The following CD247 variants were observed in gnomAD, a reference collection of about 807,000 sequenced individuals.
CD247 encodes the protein T-cell surface glycoprotein CD3 zeta chain.
Under a neutral mutation model 30.0 loss-of-function variants are expected in CD247, and 13 were observed. That is an observed-to-expected ratio of 0.43 (90% CI 0.28 to 0.69). The LOEUF is 0.69. Among genes scored for constraint, CD247 ranks in the 30% least tolerant of loss-of-function variants. The probability of loss-of-function intolerance (pLI) is 0.16; values close to 1 mark genes in which losing one functional copy is unlikely to be tolerated. For synonymous variants in CD247, 72 were observed against 80.0 expected (o/e 0.90, Z 0.53); for missense variants, 193 against 212.6 (o/e 0.91, Z 0.57).
intron 1 of CD247, among the ~76,000 whole-genome samples, chr1:167,441,983 CA>C (rs1392191569): frequency 6.6e-6 from 1 of 152,086 alleles, no homozygotes; most frequent in Non-Finnish European, 1.5e-5. Context: ...TGGTGGCTGG[CA>C]GCTTTGATCA....
At chr1:167,463,962 T>C (rs1653132090) in intron 1 of CD247, among the ~76,000 whole-genome samples, 1 of 152,158 alleles carries the variant, frequency 6.6e-6, no homozygotes, top group Admixed American at 6.5e-5. Context: ...GCCCTGGAAA[T>C]GGCCTTCTCA....
chr1:167,463,131 T>C (rs1653095853), intron 1 of CD247, among the ~76,000 whole-genome samples: 1 of 152,182 alleles, frequency 6.6e-6, no homozygotes, highest in Non-Finnish European at 1.5e-5. Flanking sequence ...TTTTCTGCGT[T>C]GCCACTGAGC....
In CD247 at chr1:167,433,179, G is replaced by A. The variant is rs541146840; in HGVS notation, c.394-120C>T. 44 of 958,452 alleles carry A rather than the reference G, an allele frequency of 4.6e-5. No individual in the cohort carries two copies. In the African/African-American group the frequency reaches 6.8e-4, roughly 15 times the overall value. The allele number at this position is 958,452 out of a possible 1,614,324, so 59.4% of individuals were successfully genotyped here. ...AGTCAGAGGTAACTGTCTCCCAGCAGCACCCCTGCCCCTGGGAGAGAAGGA... is the reference window on the plus strand; with the variant it reads ...AGTCAGAGGTAACTGTCTCCCAGCAACACCCCTGCCCCTGGGAGAGAAGGA... On this transcript the variant is annotated intron_variant, in intron 6 of 7. Transcript: ENST00000362089.
chr1:167,490,682 C>G (rs1654409893), intron 1 of CD247, among the ~76,000 whole-genome samples: 1 of 152,126 alleles, frequency 6.6e-6, no homozygotes, highest in Non-Finnish European at 1.5e-5. Flanking sequence ...CCTGTAATCC[C>G]AGCCCTTTGG....
intron 1 of CD247, among the ~76,000 whole-genome samples, chr1:167,498,206 T>C (rs1194206232): frequency 6.6e-6 from 1 of 152,232 alleles, no homozygotes; most frequent in African/African-American, 2.4e-5. Context: ...TTTCTATCAC[T>C]GCAGCTCACA....
intron 1 of CD247, among the ~76,000 whole-genome samples, chr1:167,512,790 A>G (rs558030477): frequency 8.5e-5 from 13 of 152,336 alleles, no homozygotes; most frequent in African/African-American, 3.1e-4. Flanking sequence ...TCACAGAGGA[A>G]GAACAGGGCT....
intron 1 of CD247, among the ~76,000 whole-genome samples, chr1:167,487,068 C>T (rs1429452536): frequency 7.4e-6 from 1 of 135,724 alleles, no homozygotes; most frequent in Non-Finnish European, 1.6e-5. Flanking sequence ...AGCAAGACTC[C>T]ATTTCAAAAA....
At chr1:167,498,272 C>CTTGG in intron 1 of CD247, among the ~76,000 whole-genome samples, 1 of 152,354 alleles carries the variant, frequency 6.6e-6, no homozygotes, top group Non-Finnish European at 1.5e-5. Flanking sequence ...CCAACAATGC[C>CTTGG]TTGACATCCT....
At position 167,439,374 on chromosome 1, in the gene CD247, C is replaced by G. The variant is rs1651707379; in HGVS notation, c.189G>C (p.Ala63=). ...AGAGCTGGTTCTGGCCCTGCTGGTA[C>G]GCGGGGGCGTCTGCGCTCCTGCTGA... The part of the protein sequence containing the change: ...VKFSRSADAP[A]YQQGQNQLYN... Residue 63 remains alanine (A), a synonymous_variant, in exon 3 of 8, where the codon GCG becomes GCC. Coordinates refer to ENST00000362089, the MANE Select transcript of CD247 (RefSeq NM_198053.3). 1 of 1,614,156 alleles carries G rather than the reference C, an allele frequency of 6.2e-7. No individual in the cohort carries two copies. The highest frequency in any genetic ancestry group is 8.5e-7 in the Non-Finnish European group (1 of 1,179,988).
intron 1 of CD247, among the ~76,000 whole-genome samples, chr1:167,464,654 A>C (rs1653161603): frequency 6.6e-6 from 1 of 152,230 alleles, no homozygotes; most frequent in South Asian, 2.1e-4. Flanking sequence ...AAAAGTAGAA[A>C]GCTGGGGAAA....
chr1:167,515,803 C>T (rs1463164959), intron 1 of CD247, among the ~76,000 whole-genome samples: 1 of 152,230 alleles, frequency 6.6e-6, no homozygotes, highest in African/African-American at 2.4e-5. Context: ...TGAAGAATCC[C>T]AGCCATGGGT....
Position 167,430,869 on chromosome 1 carries a change from G to A in CD247, c.*812C>T. The A allele has an allele frequency of 2.5e-6, 1 of 398,830 alleles. No homozygotes were observed. The highest frequency in any genetic ancestry group is 4.4e-6 in the Non-Finnish European group (1 of 226,206). The allele number at this position is 398,830 out of a possible 1,614,324, so 24.7% of individuals were successfully genotyped here. On this transcript the variant is annotated 3_prime_UTR_variant, in exon 8 of 8. Transcript: ENST00000362089. Reference sequence around the variant, plus strand: ...GGTCTTCCTGCGAGGCCTTCACAAAGATGATTTTGTCATTCGCTGAAAGCG... The same window carrying A: ...GGTCTTCCTGCGAGGCCTTCACAAAAATGATTTTGTCATTCGCTGAAAGCG...
At chr1:167,433,550 G>T (rs34088693) in intron 6 of CD247, among the ~76,000 whole-genome samples, 1 of 152,336 alleles carries the variant, frequency 6.6e-6, no homozygotes, top group Non-Finnish European at 1.5e-5. Flanking sequence ...TTGGGTTGTT[G>T]TGGGAATTAA....
chr1:167,449,156 T>TTTTTTTTTTTTTTTTTTCTTTTTTTC (rs1652238529), intron 1 of CD247, among the ~76,000 whole-genome samples: 7 of 113,582 alleles, frequency 6.2e-5, no homozygotes, highest in East Asian at 2.4e-4. Context: ...TTTCTTTTTT[T>TTTTTTTTTTTTTTTTTTCTTTTTTTC]TTTTTTTTTT....
intron 1 of CD247, among the ~76,000 whole-genome samples, chr1:167,461,646 G>A (rs867683405): frequency 2.0e-5 from 3 of 152,062 alleles, no homozygotes; most frequent in African/African-American, 7.2e-5. Flanking sequence ...TCAGGAGTTC[G>A]AGACCACCCT....
At chr1:167,441,499 C>T (rs760292682) in intron 1 of CD247, among the ~76,000 whole-genome samples, 13 of 152,182 alleles carry the variant, frequency 8.5e-5, no homozygotes, top group South Asian at 2.1e-4. Flanking sequence ...CCACTACACA[C>T]ACCCCATTCC....
At chr1:167,484,421 C>G (rs12144621) in intron 1 of CD247, among the ~76,000 whole-genome samples, 37,379 of 152,114 alleles carry the variant, frequency 0.25, 5,101 homozygotes, top group East Asian at 0.54. Flanking sequence ...GCCCAGAGGC[C>G]AAGGTCAAGT....
intron 1 of CD247, among the ~76,000 whole-genome samples, chr1:167,483,395 G>T (rs1268158112): frequency 6.6e-6 from 1 of 152,060 alleles, no homozygotes; most frequent in Non-Finnish European, 1.5e-5. Flanking sequence ...GTGGTATCTA[G>T]ACCCTAAAAA....
chr1:167,446,596 C>T (rs756312829), intron 1 of CD247, among the ~76,000 whole-genome samples: 4 of 152,180 alleles, frequency 2.6e-5, no homozygotes, highest in Non-Finnish European at 5.9e-5. Context: ...GGGGATGGCC[C>T]TCTGACCTCC....
Sources: allele counts gnomAD v4.1 joint callset (sites outside exome capture counted in the v4.1 genomes callset), GRCh38; gene constraint gnomAD v4.1.1; transcripts MANE v1.5; gene names NCBI Gene and HGNC (gene_info 2026-07-23, HGNC 2026-07-21).